KLHL42: variants seen among roughly 807,000 people sequenced by gnomAD.
The protein encoded by KLHL42 is kelch like family member 42.
In KLHL42, 27 loss-of-function variants were observed where a neutral mutation model predicts 32.7. That is an observed-to-expected ratio of 0.83 (90% confidence interval 0.61 to 1.14). KLHL42 has a LOEUF of 1.14. Among genes scored for constraint, KLHL42 ranks in the 50% most tolerant of loss-of-function variants. The pLI is 0.00. For missense variants in KLHL42, 491 were observed against 560.8 expected (o/e 0.88, Z 1.26); for synonymous variants, 267 against 248.2 (o/e 1.08, Z -0.71).
chr12:27,796,602 A>G (rs2140823213), intron 2 of KLHL42, among the ~76,000 whole-genome samples: 1 of 151,906 alleles, frequency 6.6e-6, no homozygotes, highest in South Asian at 2.1e-4. Flanking sequence ...TTTTTCAAAA[A>G]GAGACGAGGC....
rs759556998 is a variant in KLHL42, at chr12:27,791,867, A to G, written c.1032A>G (p.Gly344=). Residue 344 remains glycine, a synonymous_variant, in exon 2 of 3, where the codon GGA becomes GGG. Coordinates refer to ENST00000381271, the MANE Select transcript of KLHL42 (RefSeq NM_020782.2). The part of the protein sequence containing the change: ...LAEFSACECK[G]KIYVIGGYTT... ...AGTTCTCTGCCTGTGAGTGTAAGGGAAAAATTTATGTCATTGGAGGATACA... is the reference window on the plus strand; with the variant it reads ...AGTTCTCTGCCTGTGAGTGTAAGGGGAAAATTTATGTCATTGGAGGATACA... 9.9e-6 allele frequency: 16 copies of G among 1,614,090 alleles called. No homozygotes were observed. The highest frequency in any genetic ancestry group is 1.3e-5 in the Non-Finnish European group (15 of 1,179,996).
At chr12:27,786,582 T>C (rs2062172740) in intron 1 of KLHL42, among the ~76,000 whole-genome samples, 1 of 152,184 alleles carries the variant, frequency 6.6e-6, no homozygotes, top group African/African-American at 2.4e-5. Context: ...TGATTCACCT[T>C]TGTCGGAGAC....
At chr12:27,782,394 G>T (rs904909337) in intron 1 of KLHL42, among the ~76,000 whole-genome samples, 5 of 152,054 alleles carry the variant, frequency 3.3e-5, no homozygotes, top group African/African-American at 1.2e-4. Flanking sequence ...GCAAAAAGAT[G>T]ATTATTCCTA....
In KLHL42 at chr12:27,802,397, A is replaced by G. The variant is rs2062251705; in HGVS notation, c.*4231A>G. The G allele has an allele frequency of 1.3e-5, 2 of 152,360 alleles. No homozygotes were observed. 9.4% of individuals were successfully genotyped at this position (152,360 alleles called of 1,614,324 possible). On this transcript the variant is annotated 3_prime_UTR_variant, in exon 3 of 3. Transcript: ENST00000381271. The stretch of plus-strand genomic sequence containing the variant: ...AAAAAGTATTAATAAAGAAATTTCC[A>G]TTCCACACTAGTACTGATGAAAAGG...
Position 27,799,961 on chromosome 12 carries a change from A to G in KLHL42, c.*1795A>G, listed in dbSNP as rs1271673620. 3 of 896,372 alleles carry G rather than the reference A, an allele frequency of 3.3e-6. No individual in the cohort carries two copies. The highest frequency in any genetic ancestry group is 4.0e-6 in the Non-Finnish European group (3 of 748,900). 55.5% of individuals were successfully genotyped at this position (896,372 alleles called of 1,614,324 possible). A position where few individuals can be genotyped will look rare whatever the true frequency, so the allele number is the denominator to read the frequency against. ...GAACCAAAATCTTCCCAGGAATAGT[A>G]CTTAATAGATTTTAATGTTAATTTA... On this transcript the variant is annotated 3_prime_UTR_variant, in exon 3 of 3. Transcript: ENST00000381271.
In KLHL42 at chr12:27,802,282, AAAG is replaced by A. The variant is rs1378915418; in HGVS notation, c.*4117_*4119del. The A allele has an allele frequency of 1.3e-5, 2 of 152,220 alleles. No homozygotes were observed. Among genetic ancestry groups the A allele is most frequent in the African/African-American group, 4.8e-5 (2 of 41,456 alleles). The allele number at this position is 152,220 out of a possible 1,614,324, so 9.4% of individuals were successfully genotyped here. On this transcript the variant is annotated 3_prime_UTR_variant, in exon 3 of 3. Transcript: ENST00000381271. ...GGGATTCAGCAGCTTGTTCCAGTGAAAAGGAGGAGTGAAGCTGGGGAAGTTAGT... is the reference window on the plus strand; with the variant it reads ...GGGATTCAGCAGCTTGTTCCAGTGAAGAGGAGTGAAGCTGGGGAAGTTAGT...
Position 27,780,592 on chromosome 12 carries a change from G to A in KLHL42, c.262G>A (p.Gly88Ser). Reference sequence around the variant, plus strand: ...CCTGGGCCCGCGCGGGGAAAAGGGCGGCGGGGTGGACGAGGACGAGGAGAT... The same window carrying A: ...CCTGGGCCCGCGCGGGGAAAAGGGCAGCGGGGTGGACGAGGACGAGGAGAT... ...WLLGPRGEKG[G>S]GVDEDEEMDE... Residue 88 changes from glycine to serine, a missense_variant, in exon 1 of 3, where the codon GGC becomes AGC. Around this residue, in one of 4 missense-constraint regions of KLHL42, gnomAD observed 248 missense variants for 329.2 expected, o/e 0.75. Transcript: ENST00000381271. This position sits in a 1 kb window ranked among gnomAD's most constrained non-coding sequence, Gnocchi z 8.8. The A allele has an allele frequency of 6.5e-7, 1 of 1,543,370 alleles. No homozygotes were observed. Among genetic ancestry groups the A allele is most frequent in the Non-Finnish European group, 8.7e-7 (1 of 1,147,764 alleles).
Position 27,780,256 on chromosome 12 carries a change from C to T in KLHL42, c.-75C>T. 7.4e-7 allele frequency: 1 copy of T among 1,355,142 alleles called. No homozygotes were observed. 83.9% of individuals were successfully genotyped at this position (1,355,142 alleles called of 1,614,324 possible). ...CCATCCCTCGGCGCCCCGCCCGGAA[C>T]CGGCGCGCGCGTAGGGGCTGGGAGG... is the stretch of plus-strand genomic sequence containing the variant. On this transcript the variant is annotated 5_prime_UTR_variant, in exon 1 of 3. Transcript: ENST00000381271. The surrounding 1 kb of genome is among the most constrained non-coding windows in gnomAD (Gnocchi z 8.8).
intron 2 of KLHL42, among the ~76,000 whole-genome samples, chr12:27,796,383 G>C (rs1056249012): frequency 7.3e-5 from 11 of 151,664 alleles, no homozygotes; most frequent in Non-Finnish European, 5.9e-5. Context: ...GGCTTTAGTC[G>C]TCTGCCAGTT....
intron 1 of KLHL42, among the ~76,000 whole-genome samples, chr12:27,785,776 A>G (rs1361283727): frequency 6.6e-6 from 1 of 152,224 alleles, no homozygotes. Flanking sequence ...GATGTCCAAT[A>G]ATAATAGGTG....
intron 1 of KLHL42, among the ~76,000 whole-genome samples, chr12:27,786,974 C>G (rs1054963366): frequency 6.6e-6 from 1 of 151,774 alleles, no homozygotes; most frequent in Non-Finnish European, 1.5e-5. Flanking sequence ...ATCTGCCTGC[C>G]TTGGCCTCCC....
In KLHL42 at chr12:27,797,990, A is replaced by T. The variant is rs368679600; in HGVS notation, c.1342A>T (p.Asn448Tyr). 2 of 780,910 alleles carry T rather than the reference A, an allele frequency of 2.6e-6. No homozygotes were observed. Among genetic ancestry groups the T allele is most frequent in the African/African-American group, 3.4e-5 (2 of 59,110 alleles). The allele number at this position is 780,910 out of a possible 1,614,324, so 48.4% of individuals were successfully genotyped here. A position where few individuals can be genotyped will look rare whatever the true frequency, so the allele number is the denominator to read the frequency against. Residue 448 changes from asparagine to tyrosine, a missense_variant, in exon 3 of 3, where the codon AAC becomes TAC. Physicochemically the swap from Asn to Tyr is moderately radical, Grantham distance 143. This residue lies in a region of KLHL42 where 152 missense variants were observed against 125.9 expected (regional missense o/e 1.21). Coordinates refer to ENST00000381271, the MANE Select transcript of KLHL42 (RefSeq NM_020782.2). ...TCTTAACTTGACTTGTGCGCTCCAT[A>T]ACGACGGCATCTACATCATGAGCAG... ...SGLNLTCALH[N>Y]DGIYIMSRDV...
chr12:27,800,086 G>A lies in KLHL42; in HGVS notation c.*1920G>A. The A allele has an allele frequency of 2.0e-6, 2 of 983,434 alleles. No homozygotes were observed. The highest frequency in any genetic ancestry group is 2.4e-6 in the Non-Finnish European group (2 of 828,130). The allele number at this position is 983,434 out of a possible 1,614,324, so 60.9% of individuals were successfully genotyped here. On this transcript the variant is annotated 3_prime_UTR_variant, in exon 3 of 3. Coordinates refer to ENST00000381271, the MANE Select transcript of KLHL42 (RefSeq NM_020782.2). ...GGTGTTAACTTTTCGTTGCTGAAGAGCTTAACTTTTTAAAGGCTTTGTCCT... is the reference window on the plus strand; with the variant it reads ...GGTGTTAACTTTTCGTTGCTGAAGAACTTAACTTTTTAAAGGCTTTGTCCT...
Position 27,780,675 on chromosome 12 carries a change from G to A in KLHL42, c.345G>A (p.Thr115=). The A allele has an allele frequency of 6.3e-7, 1 of 1,599,818 alleles. No homozygotes were observed. Among genetic ancestry groups the A allele is most frequent in the South Asian group, 1.1e-5 (1 of 89,064 alleles). Residue 115 remains threonine (T), a synonymous_variant, in exon 1 of 3, where the codon ACG becomes ACA. Coordinates refer to ENST00000381271, the MANE Select transcript of KLHL42 (RefSeq NM_020782.2). This position sits in a 1 kb window ranked among gnomAD's most constrained non-coding sequence, Gnocchi z 8.8. Reference sequence around the variant, plus strand: ...AGGCGGCCTCCTTCCTGCAGGTCACGTCCCTGCTGCAGCTGCTGCTGTCCC... The same window carrying A: ...AGGCGGCCTCCTTCCTGCAGGTCACATCCCTGCTGCAGCTGCTGCTGTCCC... The part of the protein sequence containing the change: ...LVEAASFLQV[T]SLLQLLLSQV...
At position 27,803,006 on chromosome 12, in the gene KLHL42, A is replaced by G. The variant is rs1252559825; in HGVS notation, c.*4840A>G. 6.6e-6 allele frequency: 1 copy of G among 152,220 alleles called. No individual in the cohort carries two copies. Among genetic ancestry groups the G allele is most frequent in the African/African-American group, 2.4e-5 (1 of 41,446 alleles). The allele number at this position is 152,220 out of a possible 1,614,324, so 9.4% of individuals were successfully genotyped here. A position where few individuals can be genotyped will look rare whatever the true frequency, so the allele number is the denominator to read the frequency against. On this transcript the variant is annotated 3_prime_UTR_variant, in exon 3 of 3. Coordinates refer to ENST00000381271, the MANE Select transcript of KLHL42 (RefSeq NM_020782.2). ...ATTCCTTTTGTGTTTAGAACTATAGAAGAAAATGTCTTCAAATAAAGTAGT... is the reference window on the plus strand; with the variant it reads ...ATTCCTTTTGTGTTTAGAACTATAGGAGAAAATGTCTTCAAATAAAGTAGT...
intron 1 of KLHL42, among the ~76,000 whole-genome samples, chr12:27,784,904 A>C (rs1279977789): frequency 6.6e-6 from 1 of 152,208 alleles, no homozygotes; most frequent in Non-Finnish European, 1.5e-5. Flanking sequence ...TTTCCTAAAA[A>C]TTGGCTTATT....
chr12:27,797,126 A>C, intron 2 of KLHL42: 1 of 406,674 alleles, frequency 2.5e-6, no homozygotes, highest in South Asian at 1.8e-5. Flanking sequence ...CCTGTCTTTA[A>C]AAAAAAACAA....
rs2062244927 is a variant in KLHL42 at position 27,800,988 on chromosome 12, T to C, written c.*2822T>C. 6.6e-6 allele frequency: 1 copy of C among 152,338 alleles called. No individual in the cohort carries two copies. The highest frequency in any genetic ancestry group is 1.5e-5 in the Non-Finnish European group (1 of 68,052). The allele number at this position is 152,338 out of a possible 1,614,324, so 9.4% of individuals were successfully genotyped here. A position where few individuals can be genotyped will look rare whatever the true frequency, so the allele number is the denominator to read the frequency against. ...GTTAGAAGGTTGGTTCTTCCTGTTA[T>C]TCTCTCTGGCTTTCCTTTCAACCCA... On this transcript the variant is annotated 3_prime_UTR_variant, in exon 3 of 3. Coordinates refer to ENST00000381271, the MANE Select transcript of KLHL42 (RefSeq NM_020782.2).
rs939064071 is a variant in KLHL42 at position 27,802,064 on chromosome 12, C to T, written c.*3898C>T. 17 of 152,118 alleles carry T rather than the reference C, an allele frequency of 1.1e-4. No individual in the cohort carries two copies. The highest frequency in any genetic ancestry group is 2.2e-4 in the Non-Finnish European group (15 of 68,022). The allele number at this position is 152,118 out of a possible 1,614,324, so 9.4% of individuals were successfully genotyped here. On this transcript the variant is annotated 3_prime_UTR_variant, in exon 3 of 3. Coordinates refer to ENST00000381271, the MANE Select transcript of KLHL42 (RefSeq NM_020782.2). ...GTCCGTCCTTTGTTTTTGTGATTTACTAACAATCATCACGAACCAGTTTTG... is the reference window on the plus strand; with the variant it reads ...GTCCGTCCTTTGTTTTTGTGATTTATTAACAATCATCACGAACCAGTTTTG...
Sources: allele counts gnomAD v4.1 joint callset (sites outside exome capture counted in the v4.1 genomes callset), GRCh38; gene constraint gnomAD v4.1.1; regional missense constraint gnomAD v4.1.1; non-coding constraint Gnocchi (gnomAD v3.1); transcripts MANE v1.5; gene names NCBI Gene and HGNC (gene_info 2026-07-23, HGNC 2026-07-21).